EFCAB5: variants seen among roughly 807,000 people sequenced by gnomAD.
EFCAB5 encodes EF-hand calcium binding domain 5, also known as EF-hand calcium-binding domain-containing protein 5.
A neutral mutation model predicts 167.9 loss-of-function variants in EFCAB5; 131 were observed. The observed-to-expected ratio is 0.78, with a 90% CI of 0.68 to 0.90. The LOEUF (loss-of-function observed/expected upper bound fraction) is 0.90. Ranked by LOEUF, EFCAB5 falls within the 40% of genes least tolerant of loss-of-function variation. EFCAB5 has a pLI of 0.00. For synonymous variants in EFCAB5, 574 were observed against 602.8 expected (o/e 0.95, Z 0.70); for missense variants, 1,663 against 1,745.2 (o/e 0.95, Z 0.84).
chr17:30,096,015 G>A (rs1279292356), intron 22 of EFCAB5, among the ~76,000 whole-genome samples: 1 of 152,194 alleles, frequency 6.6e-6, no homozygotes, highest in African/African-American at 2.4e-5. Context: ...AGTTCAGCTT[G>A]AGAACAGATT....
At chr17:29,939,895 G>T (rs2067275702), upstream of EFCAB5, among the ~76,000 whole-genome samples, 1 of 152,154 alleles carries the variant, frequency 6.6e-6, no homozygotes, top group Non-Finnish European at 1.5e-5. Flanking sequence ...AACCTTGAGT[G>T]TTTGTTCCTT....
intron 1 of EFCAB5, among the ~76,000 whole-genome samples, chr17:29,933,153 G>A (rs185873639): frequency 4.8e-4 from 73 of 152,330 alleles, no homozygotes; most frequent in African/African-American, 1.6e-3. Context: ...TAATTAGAGC[G>A]TAGCTTAGTG....
chr17:29,997,377 TAA>T lies in EFCAB5; in HGVS notation c.973+1018_973+1019del, dbSNP rs72398386. On this transcript the variant is annotated intron_variant, in intron 6 of 22. Coordinates refer to ENST00000394835, the MANE Select transcript of EFCAB5 (RefSeq NM_198529.4). ...CCTACTTATAATGTACCTTTAGATA[TAA>T]GAGAAGTAAAATTATATACAGTTGA... 6.3e-3 allele frequency among the ~76,000 whole-genome samples: 962 copies of T among 152,134 alleles called. 5 individuals are homozygous for T. The highest frequency in any genetic ancestry group is 0.022 in the African/African-American group (923 of 41,512).
chr17:30,084,962 G>A (rs554505100), intron 18 of EFCAB5, among the ~76,000 whole-genome samples: 2 of 152,170 alleles, frequency 1.3e-5, no homozygotes, highest in Admixed American at 6.5e-5. Flanking sequence ...GTCCTTTGTC[G>A]GTTCTGGTCA....
intron 14 of EFCAB5, among the ~76,000 whole-genome samples, chr17:30,066,421 A>T (rs1480369136): frequency 1.3e-5 from 2 of 152,066 alleles, no homozygotes; most frequent in Non-Finnish European, 2.9e-5. Flanking sequence ...TTTATTTTTT[A>T]AATTTTCTTC....
intron 17 of EFCAB5, 37 bp from the exon 18 acceptor site, chr17:30,082,854 A>G (rs567074030): frequency 6.6e-5 from 102 of 1,553,450 alleles, no homozygotes; most frequent in Non-Finnish European, 7.7e-5. Flanking sequence ...TTTCTATTTT[A>G]AAAAGAATAG....
intron 3 of EFCAB5, among the ~76,000 whole-genome samples, chr17:29,965,598 C>G (rs570933835): frequency 8.3e-4 from 126 of 152,186 alleles, no homozygotes; most frequent in Middle Eastern, 3.4e-3. Flanking sequence ...CAGATTCATC[C>G]CTTTGCATGT....
chr17:30,066,714 A>G (rs1204326940), intron 14 of EFCAB5, among the ~76,000 whole-genome samples: 1 of 152,114 alleles, frequency 6.6e-6, no homozygotes, highest in Non-Finnish European at 1.5e-5. Context: ...TAACCAAAAA[A>G]TCAACAAAAC....
At chr17:30,020,685 A>G (rs979257944) in intron 7 of EFCAB5, among the ~76,000 whole-genome samples, 1 of 152,040 alleles carries the variant, frequency 6.6e-6, no homozygotes, top group South Asian at 2.1e-4. Context: ...AATCTGTAGT[A>G]TGTAGTCTTG....
chr17:30,009,220 C>T lies in EFCAB5; in HGVS notation c.1044+9244C>T, dbSNP rs574082566. On this transcript the variant is annotated intron_variant, in intron 7 of 22. Coordinates refer to ENST00000394835, the MANE Select transcript of EFCAB5 (RefSeq NM_198529.4). Reference sequence around the variant, plus strand: ...TACAGATCCAGGGATTAGGACTTTACATCTTCGAGAGCCATTATCCAACCT... The same window carrying T: ...TACAGATCCAGGGATTAGGACTTTATATCTTCGAGAGCCATTATCCAACCT... 2.0e-5 allele frequency among the ~76,000 whole-genome samples: 3 copies of T among 152,346 alleles called. No homozygotes were observed. The East Asian group carries it at 5.8e-4, about 29-fold the overall frequency.
chr17:29,999,241 G>A (rs900911208), intron 6 of EFCAB5, among the ~76,000 whole-genome samples: 2 of 151,936 alleles, frequency 1.3e-5, no homozygotes, highest in Non-Finnish European at 2.9e-5. Context: ...GCTACTATGA[G>A]TGGTAAATGA....
At chr17:30,067,223 T>TATAAGCC in intron 14 of EFCAB5, among the ~76,000 whole-genome samples, 1 of 152,220 alleles carries the variant, frequency 6.6e-6, no homozygotes, top group Admixed American at 6.5e-5. Flanking sequence ...AAACAGAAAT[T>TATAAGCC]ATAAGCCGGT....
intron 7 of EFCAB5, among the ~76,000 whole-genome samples, chr17:30,007,624 G>C: frequency 6.6e-6 from 1 of 152,144 alleles, no homozygotes; most frequent in East Asian, 1.9e-4. Context: ...CTTCTAAACA[G>C]GAAGTCCAAA....
chr17:29,992,799 A>C (rs2068450430), intron 4 of EFCAB5, among the ~76,000 whole-genome samples: 1 of 152,216 alleles, frequency 6.6e-6, no homozygotes. Flanking sequence ...CTTTTGGGTA[A>C]ATATCCAGAA....
At chr17:30,032,382 G>A (rs967808441) in intron 7 of EFCAB5, among the ~76,000 whole-genome samples, 2 of 152,118 alleles carry the variant, frequency 1.3e-5, no homozygotes, top group Admixed American at 6.5e-5. Context: ...TTTGAAGGGT[G>A]GCAAAATATG....
chr17:30,043,015 C>T lies in EFCAB5; in HGVS notation c.1201-8103C>T, dbSNP rs138880388. Among the ~76,000 whole-genome samples the T allele has an allele frequency of 2.4e-4, 36 of 152,078 alleles. No individual in the cohort carries two copies. The East Asian group carries it at 5.6e-3, about 24-fold the overall frequency. On this transcript the variant is annotated intron_variant, in intron 8 of 22. Coordinates refer to ENST00000394835, the MANE Select transcript of EFCAB5 (RefSeq NM_198529.4). ...AAAATCAGAGCTGAGCATGGTGGCA[C>T]GTGCCTATAATCCAAGCTAAGGAGG...
At chr17:29,998,858 A>G (rs1349307603) in intron 6 of EFCAB5, among the ~76,000 whole-genome samples, 1 of 152,166 alleles carries the variant, frequency 6.6e-6, no homozygotes, top group Non-Finnish European at 1.5e-5. Context: ...TTTCTCTTGT[A>G]AGGTCAATAA....
At chr17:30,079,364 A>G (rs1238244681) in intron 15 of EFCAB5, among the ~76,000 whole-genome samples, 1 of 152,222 alleles carries the variant, frequency 6.6e-6, no homozygotes, top group Non-Finnish European at 1.5e-5. Flanking sequence ...TAAAGGCAAA[A>G]GAAAAGGGCA....
intron 3 of EFCAB5, among the ~76,000 whole-genome samples, chr17:29,951,481 G>A (rs2067508130): frequency 6.6e-6 from 1 of 151,406 alleles, no homozygotes; most frequent in Non-Finnish European, 1.5e-5. Context: ...GGGACCACAG[G>A]TGCCCGCCAC....
Sources: allele counts gnomAD v4.1 joint callset (sites outside exome capture counted in the v4.1 genomes callset), GRCh38; gene constraint gnomAD v4.1.1; transcripts MANE v1.5; gene names NCBI Gene and HGNC (gene_info 2026-07-23, HGNC 2026-07-21).